The following EXOC6B variants were observed in gnomAD, a reference collection of about 807,000 sequenced individuals.
The protein encoded by EXOC6B is SEC15 homolog B.
In EXOC6B, 54 loss-of-function variants were observed where a neutral mutation model predicts 113.5. The observed-to-expected ratio is 0.48, with a 90% confidence interval of 0.38 to 0.60. The LOEUF (loss-of-function observed/expected upper bound fraction) is 0.60. EXOC6B is among the 20% of genes least tolerant of loss of function. The probability of loss-of-function intolerance (pLI) is 0.00; values close to 1 mark genes in which losing one functional copy is unlikely to be tolerated. For synonymous variants in EXOC6B, 357 were observed against 339.0 expected (o/e 1.05, Z -0.58); for missense variants, 797 against 977.5 (o/e 0.82, Z 2.46).
chr2:72,209,223 CAAAAAAAAAAAA>C (rs1170760516), intron 20 of EXOC6B, among the ~76,000 whole-genome samples: 2 of 57,104 alleles, frequency 3.5e-5, no homozygotes, highest in East Asian at 2.0e-3. Context: ...AACTCAGTCT[CAAAAAAAAAAAA>C]AAAAAAAAAA....
chr2:72,744,145 G>A lies in EXOC6B; in HGVS notation c.114-2676C>T, dbSNP rs1033293700. Among the ~76,000 whole-genome samples, 4 of 152,272 alleles carry A rather than the reference G, an allele frequency of 2.6e-5. No homozygotes were observed. The East Asian group carries it at 5.8e-4, about 22-fold the overall frequency. Reference sequence around the variant, plus strand: ...GCAATAGGCTATACCATATAGCCTAGGTGTGTAGTAGACTATATACCATCT... The same window carrying A: ...GCAATAGGCTATACCATATAGCCTAAGTGTGTAGTAGACTATATACCATCT... On this transcript the variant is annotated intron_variant, in intron 1 of 21. Coordinates refer to ENST00000272427, the MANE Select transcript of EXOC6B (RefSeq NM_015189.3).
chr2:72,513,599 A>C lies in EXOC6B; in HGVS notation c.1047-347T>G, dbSNP rs182456603. Reference sequence around the variant, plus strand: ...TAAGAAAATACCCAGCCATCAATGCATTTCAAAAAAACAAATTTTAAAGAG... The same window carrying C: ...TAAGAAAATACCCAGCCATCAATGCCTTTCAAAAAAACAAATTTTAAAGAG... On this transcript the variant is annotated intron_variant, in intron 10 of 21. Coordinates refer to ENST00000272427, the MANE Select transcript of EXOC6B (RefSeq NM_015189.3). Among the ~76,000 whole-genome samples, 420 of 152,088 alleles carry C rather than the reference A, an allele frequency of 2.8e-3. 4 individuals are homozygous for C. The highest frequency in any genetic ancestry group is 8.8e-3 in the African/African-American group (366 of 41,556).
Position 72,825,753 on chromosome 2 carries a change from GTCCCGCCCGT to G in EXOC6B, c.113+35_113+44del. On this transcript the variant is annotated intron_variant, in intron 1 of 21. Coordinates refer to ENST00000272427, the MANE Select transcript of EXOC6B (RefSeq NM_015189.3). The surrounding 1 kb of genome is among the most constrained non-coding windows in gnomAD (Gnocchi z 4.4). ...GGCCCGACCCAGAGGAGCCTGCCCCGTCCCGCCCGTTCCCGCCCCTCTGTGGTCCCGGCAC... is the reference window on the plus strand; with the variant it reads ...GGCCCGACCCAGAGGAGCCTGCCCCGTCCCGCCCCTCTGTGGTCCCGGCAC... 1 of 1,586,206 alleles carries G rather than the reference GTCCCGCCCGT, an allele frequency of 6.3e-7. No individual in the cohort carries two copies. The highest frequency in any genetic ancestry group is 8.6e-7 in the Non-Finnish European group (1 of 1,168,834).
intron 18 of EXOC6B, among the ~76,000 whole-genome samples, chr2:72,401,622 C>CAT (rs1364126956): frequency 0.027 from 397 of 14,460 alleles, 27 homozygotes; most frequent in East Asian, 0.071. Flanking sequence ...TATATATATA[C>CAT]ATATATATAT....
intron 6 of EXOC6B, among the ~76,000 whole-genome samples, chr2:72,635,373 A>G (rs1231562513): frequency 5.9e-5 from 9 of 152,196 alleles, no homozygotes; most frequent in Admixed American, 4.6e-4. Context: ...AACAATGGCT[A>G]TCACCATGGG....
intron 6 of EXOC6B, among the ~76,000 whole-genome samples, chr2:72,653,891 G>A (rs1303689758): frequency 6.6e-6 from 1 of 151,970 alleles, no homozygotes; most frequent in Non-Finnish European, 1.5e-5. Flanking sequence ...CAACAAAATG[G>A]TTGTAGGTCT....
At chr2:72,420,042 T>C (rs1349165865) in intron 18 of EXOC6B, among the ~76,000 whole-genome samples, 1 of 152,174 alleles carries the variant, frequency 6.6e-6, no homozygotes, top group African/African-American at 2.4e-5. Flanking sequence ...TCCCTTCTAG[T>C]GTGCTCATTC....
intron 20 of EXOC6B, among the ~76,000 whole-genome samples, chr2:72,290,670 AT>A (rs1685724053): frequency 6.6e-6 from 1 of 151,942 alleles, no homozygotes; most frequent in Non-Finnish European, 1.5e-5. Flanking sequence ...CTTTAATTTT[AT>A]TTAGAAACCA....
chr2:72,275,940 C>T (rs1230839552), intron 20 of EXOC6B, among the ~76,000 whole-genome samples: 2 of 152,130 alleles, frequency 1.3e-5, no homozygotes, highest in South Asian at 2.1e-4. Flanking sequence ...GGTAACAATT[C>T]ATATTTGTAA....
At position 72,825,685 on chromosome 2, in the gene EXOC6B, C is replaced by T. The variant is rs1383518692; in HGVS notation, c.113+113G>A. 41 of 1,307,500 alleles carry T rather than the reference C, an allele frequency of 3.1e-5. No individual in the cohort carries two copies. Among genetic ancestry groups the T allele is most frequent in the Non-Finnish European group, 4.1e-5 (41 of 998,028 alleles). The allele number at this position is 1,307,500 out of a possible 1,614,324, so 81.0% of individuals were successfully genotyped here. A position where few individuals can be genotyped will look rare whatever the true frequency, so the allele number is the denominator to read the frequency against. The stretch of plus-strand genomic sequence containing the variant: ...CCTCGCCCGGTATGCAGGGTCTCTC[C>T]GAAGGGAGGGGCCGGCGCCGGACCT... On this transcript the variant is annotated intron_variant, in intron 1 of 21. Coordinates refer to ENST00000272427, the MANE Select transcript of EXOC6B (RefSeq NM_015189.3). This position sits in a 1 kb window ranked among gnomAD's most constrained non-coding sequence, Gnocchi z 4.4.
intron 20 of EXOC6B, among the ~76,000 whole-genome samples, chr2:72,332,384 A>G (rs1468146795): frequency 2.0e-5 from 3 of 152,066 alleles, no homozygotes; most frequent in African/African-American, 7.2e-5. Context: ...CATAAAATCA[A>G]CCCTGTAAGG....
intron 6 of EXOC6B, among the ~76,000 whole-genome samples, chr2:72,669,934 C>A (rs939822519): frequency 2.0e-5 from 3 of 152,172 alleles, no homozygotes; most frequent in Non-Finnish European, 4.4e-5. Context: ...AACTTAATAG[C>A]AGTATTCATG....
chr2:72,523,574 C>T (rs1207859692), intron 8 of EXOC6B, among the ~76,000 whole-genome samples: 9 of 152,108 alleles, frequency 5.9e-5, no homozygotes, highest in African/African-American at 2.2e-4. Context: ...GTCAGGAGAT[C>T]GTAGCCATCC....
At chr2:72,248,136 A>G (rs1682782975) in intron 20 of EXOC6B, among the ~76,000 whole-genome samples, 6 of 152,216 alleles carry the variant, frequency 3.9e-5, no homozygotes, top group Admixed American at 3.3e-4. Flanking sequence ...AACTACTTAG[A>G]CAATACAAAA....
chr2:72,307,225 G>A (rs574245581), intron 20 of EXOC6B, among the ~76,000 whole-genome samples: 33 of 149,834 alleles, frequency 2.2e-4, no homozygotes, highest in South Asian at 2.1e-4. Context: ...GCGCAATCTC[G>A]GCCTCCCAGG....
At chr2:72,483,502 A>G (rs1328145046) in intron 16 of EXOC6B, among the ~76,000 whole-genome samples, 1 of 152,244 alleles carries the variant, frequency 6.6e-6, no homozygotes, top group Non-Finnish European at 1.5e-5. Flanking sequence ...TGGGTACAGT[A>G]GTAATTTCCC....
chr2:72,527,791 C>A (rs1233445702), intron 8 of EXOC6B, among the ~76,000 whole-genome samples: 1 of 151,902 alleles, frequency 6.6e-6, no homozygotes, highest in African/African-American at 2.4e-5. Context: ...TGAGTATCTT[C>A]TCATGTGCTT....
At chr2:72,390,177 A>G (rs1032873544) in intron 18 of EXOC6B, among the ~76,000 whole-genome samples, 1 of 152,062 alleles carries the variant, frequency 6.6e-6, no homozygotes, top group Admixed American at 6.6e-5. Flanking sequence ...CTCCAATCTT[A>G]TTTTCTATAG....
At chr2:72,370,420 T>G (rs1690926469) in intron 19 of EXOC6B, among the ~76,000 whole-genome samples, 1 of 152,156 alleles carries the variant, frequency 6.6e-6, no homozygotes, top group Admixed American at 6.5e-5. Context: ...GGTGGGACTG[T>G]AAACCGGTTC....
Sources: allele counts gnomAD v4.1 joint callset (sites outside exome capture counted in the v4.1 genomes callset), GRCh38; gene constraint gnomAD v4.1.1; non-coding constraint Gnocchi (gnomAD v3.1); transcripts MANE v1.5; gene names NCBI Gene and HGNC (gene_info 2026-07-23, HGNC 2026-07-21).